FARS2: variants seen among roughly 807,000 people sequenced by gnomAD.
The protein encoded by FARS2 is phenylalanine--tRNA ligase, mitochondrial.
Under a neutral mutation model 46.4 loss-of-function variants are expected in FARS2, and 40 were observed. The observed-to-expected ratio is 0.86, with a 90% CI of 0.67 to 1.12. FARS2 has a LOEUF of 1.12. Among genes scored for constraint, FARS2 ranks in the 50% most tolerant of loss-of-function variants. The probability of loss-of-function intolerance (pLI) is 0.00; values close to 1 mark genes in which losing one functional copy is unlikely to be tolerated. For missense variants in FARS2, 513 were observed against 567.9 expected (o/e 0.90, Z 0.98); for synonymous variants, 234 against 214.9 (o/e 1.09, Z -0.78).
At chr6:5,359,325 G>A (rs183094811) in intron 1 of FARS2, among the ~76,000 whole-genome samples, 174 of 152,220 alleles carry the variant, frequency 1.1e-3, no homozygotes, top group Non-Finnish European at 2.0e-3. Context: ...ACAGGCATGA[G>A]GCATTGCTCC....
At chr6:5,527,950 G>T (rs1769571893) in intron 4 of FARS2, among the ~76,000 whole-genome samples, 1 of 152,150 alleles carries the variant, frequency 6.6e-6, no homozygotes, top group Admixed American at 6.5e-5. Flanking sequence ...CTGTACTGGG[G>T]GCTAGTCAAA....
intron 4 of FARS2, among the ~76,000 whole-genome samples, chr6:5,453,128 G>A (rs536428287): frequency 1.3e-5 from 2 of 152,184 alleles, no homozygotes; most frequent in African/African-American, 4.8e-5. Flanking sequence ...AGCATCCTTC[G>A]CTTAACTATT....
intron 5 of FARS2, among the ~76,000 whole-genome samples, chr6:5,546,548 C>CCT (rs778153588): frequency 5.3e-5 from 8 of 152,010 alleles, no homozygotes; most frequent in Admixed American, 2.0e-4. Flanking sequence ...CTGCGCCCAG[C>CCT]CCTCATCTAG....
intron 4 of FARS2, among the ~76,000 whole-genome samples, chr6:5,444,826 C>T (rs1764091939): frequency 6.6e-6 from 1 of 152,080 alleles, no homozygotes; most frequent in Non-Finnish European, 1.5e-5. Context: ...GCTCGTGGCT[C>T]TTTCTGCCCT....
chr6:5,306,185 C>T (rs566102585), intron 1 of FARS2, among the ~76,000 whole-genome samples: 6 of 152,220 alleles, frequency 3.9e-5, no homozygotes, highest in African/African-American at 7.2e-5. Flanking sequence ...GCATCAACTC[C>T]GGGGTTGTTT....
At chr6:5,523,647 ACAGCTGCGG>A (rs1031392915) in intron 4 of FARS2, among the ~76,000 whole-genome samples, 9 of 152,296 alleles carry the variant, frequency 5.9e-5, no homozygotes, top group Middle Eastern at 3.4e-3. Flanking sequence ...AGGCTCACAG[ACAGCTGCGG>A]CGTGCTTGGG....
At chr6:5,648,310 C>T (rs1307550797) in intron 6 of FARS2, among the ~76,000 whole-genome samples, 3 of 152,344 alleles carry the variant, frequency 2.0e-5, no homozygotes, top group South Asian at 4.1e-4. Flanking sequence ...TGGCGTCTTA[C>T]GTGGAGCCCT....
intron 1 of FARS2, among the ~76,000 whole-genome samples, chr6:5,367,507 C>CGGTT (rs1456582372): frequency 1.3e-5 from 2 of 151,860 alleles, no homozygotes. Flanking sequence ...CAGCCCTTTG[C>CGGTT]GGTTGTCTTA....
intron 2 of FARS2, among the ~76,000 whole-genome samples, chr6:5,383,608 G>A (rs1395153675): frequency 1.3e-5 from 2 of 152,206 alleles, no homozygotes; most frequent in African/African-American, 4.8e-5. Context: ...CTGACATTAG[G>A]AGGTGTTCAG....
intron 6 of FARS2, among the ~76,000 whole-genome samples, chr6:5,646,864 C>T (rs1216300373): frequency 1.3e-5 from 2 of 152,046 alleles, no homozygotes; most frequent in African/African-American, 4.8e-5. Flanking sequence ...TATTTTTGAT[C>T]CACAGTTGGT....
At chr6:5,756,053 C>G (rs1762186886) in intron 6 of FARS2, among the ~76,000 whole-genome samples, 1 of 152,180 alleles carries the variant, frequency 6.6e-6, no homozygotes, top group African/African-American at 2.4e-5. Context: ...GGGTGGCAAC[C>G]CTTTAGAATA....
chr6:5,270,667 A>G (rs988188794), intron 1 of FARS2, among the ~76,000 whole-genome samples: 1 of 152,218 alleles, frequency 6.6e-6, no homozygotes, highest in African/African-American at 2.4e-5. Flanking sequence ...AGTAATTTTT[A>G]TATCACCTTC....
intron 4 of FARS2, among the ~76,000 whole-genome samples, chr6:5,483,409 T>C (rs1463608440): frequency 6.6e-6 from 1 of 152,182 alleles, no homozygotes; most frequent in Non-Finnish European, 1.5e-5. Flanking sequence ...CCAGGCCTGG[T>C]GGCTCATGGC....
intron 1 of FARS2, among the ~76,000 whole-genome samples, chr6:5,323,989 C>T (rs1449849264): frequency 1.3e-5 from 2 of 152,104 alleles, no homozygotes; most frequent in Non-Finnish European, 2.9e-5. Context: ...TCCCCTCCTC[C>T]CAGAGACATT....
Position 5,545,686 on chromosome 6 carries a change from A to G in FARS2, c.1065+346A>G, listed in dbSNP as rs563902729. Reference sequence around the variant, plus strand: ...CATGTGTTCTCATTGTTCAACTCCAACTTATGAGTGAGAACATGTGGTGTC... The same window carrying G: ...CATGTGTTCTCATTGTTCAACTCCAGCTTATGAGTGAGAACATGTGGTGTC... On this transcript the variant is annotated intron_variant, in intron 5 of 6. Coordinates refer to ENST00000274680, the MANE Select transcript of FARS2 (RefSeq NM_006567.5). 3.3e-5 allele frequency among the ~76,000 whole-genome samples: 5 copies of G among 151,944 alleles called. No individual in the cohort carries two copies. In the East Asian group the frequency reaches 9.7e-4, roughly 29 times the overall value.
At chr6:5,556,890 A>C (rs9328313) in intron 5 of FARS2, among the ~76,000 whole-genome samples, 3 of 152,008 alleles carry the variant, frequency 2.0e-5, no homozygotes, top group African/African-American at 7.2e-5. Flanking sequence ...CAGTCTATAA[A>C]ATTTGACAAA....
At chr6:5,477,057 G>A (rs2150333941) in intron 4 of FARS2, among the ~76,000 whole-genome samples, 1 of 152,280 alleles carries the variant, frequency 6.6e-6, no homozygotes, top group Non-Finnish European at 1.5e-5. Flanking sequence ...CTGGCAATTG[G>A]TACTTCTCTT....
At chr6:5,250,915 C>A in the FARS2 span, among the ~76,000 whole-genome samples, 1 of 152,132 alleles carries the variant, frequency 6.6e-6, no homozygotes, top group South Asian at 2.1e-4. Context: ...AAATAGAATA[C>A]AATGTTATTT....
chr6:5,731,117 G>A (rs1760593418), intron 6 of FARS2, among the ~76,000 whole-genome samples: 1 of 152,210 alleles, frequency 6.6e-6, no homozygotes, highest in Non-Finnish European at 1.5e-5. Flanking sequence ...CAGCTGATCT[G>A]AGAAAGTGAC....
Sources: gnomAD v4.1 joint callset for allele counts (sites outside exome capture counted in the v4.1 genomes callset) on GRCh38, gnomAD v4.1.1 for gene constraint, MANE v1.5 for transcripts, NCBI Gene and HGNC (gene_info 2026-07-23, HGNC 2026-07-21) for gene names.